ALG13: variants seen among roughly 807,000 people sequenced by gnomAD.
The protein encoded by ALG13 is ALG13 UDP-N-acetylglucosaminyltransferase subunit, also known as UDP-N-acetylglucosamine transferase subunit ALG13.
ALG13 carries 11 observed loss-of-function variants against 87.8 expected under a neutral mutation model. The ratio of observed to expected loss-of-function variants is 0.13; its 90% CI spans 0.08 to 0.21. The LOEUF (loss-of-function observed/expected upper bound fraction) is 0.21. Among genes scored for constraint, ALG13 ranks in the 10% least tolerant of loss-of-function variants. ALG13 has a pLI of 1.00. For missense variants in ALG13, 756 were observed against 866.1 expected (o/e 0.87, Z 1.60); for synonymous variants, 320 against 306.3 (o/e 1.04, Z -0.47).
rs748792396 is a variant in ALG13, at chrX:111,744,730, C to T, written c.2758C>T (p.Pro920Ser). Reference sequence around the variant, plus strand: ...TCCTCATGCTGGTGCCTCTCTACCACCACCACCACCACCACCACCACCACC... The same window carrying T: ...TCCTCATGCTGGTGCCTCTCTACCATCACCACCACCACCACCACCACCACC... Reference protein sequence around the residue: ...AIPHAGASLPPPPPPPPPPPP... With the variant: ...AIPHAGASLPSPPPPPPPPPP... The change falls in exon 24 of 27, where the codon CCA becomes TCA. Residue 920 changes from proline to serine, a missense_variant. By Grantham distance (74) the Pro-to-Ser change is moderately conservative. Around this residue, in one of 9 missense-constraint regions of ALG13, gnomAD observed 362 missense variants for 383.5 expected, o/e 0.94. Transcript: ENST00000394780. 2 of 997,120 alleles carry T rather than the reference C, an allele frequency of 2.0e-6. No individual in the cohort carries two copies. Among genetic ancestry groups the T allele is most frequent in the Non-Finnish European group, 2.6e-6 (2 of 761,842 alleles). The allele number at this position is 997,120 out of a possible 1,213,427, so 82.2% of individuals were successfully genotyped here. A position where few individuals can be genotyped will look rare whatever the true frequency, so the allele number is the denominator to read the frequency against.
intron 2 of ALG13, among the ~76,000 whole-genome samples, chrX:111,684,438 C>T (rs1438100965): frequency 9.0e-6 from 1 of 111,066 alleles, no homozygotes; most frequent in Non-Finnish European, 1.9e-5. Flanking sequence ...CCTTCCGCCT[C>T]AGGCTCCCCA....
chrX:111,727,856 A>G, intron 18 of ALG13, 86 bp downstream of exon 18: 1 of 956,302 alleles, frequency 1.0e-6, no homozygotes, highest in South Asian at 2.7e-5. Context: ...TAAATTTTAG[A>G]TTTTGTACAA....
At chrX:111,727,518 G>A in intron 17 of ALG13, 73 bp downstream of exon 17, 1 of 1,096,205 alleles carries the variant, frequency 9.1e-7, no homozygotes, top group Non-Finnish European at 1.2e-6. Context: ...GTTTTAAAAA[G>A]TGTCAACTTT....
chrX:111,743,846 G>A (rs1312549102), intron 23 of ALG13: 1 of 110,304 alleles, frequency 9.1e-6, no homozygotes, highest in African/African-American at 3.3e-5. Flanking sequence ...TTTTGTACTT[G>A]GATTTAAGCT....
intron 3 of ALG13, among the ~76,000 whole-genome samples, chrX:111,701,255 C>T (rs1937817649): frequency 8.9e-6 from 1 of 111,776 alleles, no homozygotes; most frequent in African/African-American, 3.3e-5. Context: ...CCTTCTTTTT[C>T]AGTTTTTTGA....
chrX:111,725,954 G>GT (rs913702853), intron 15 of ALG13, among the ~76,000 whole-genome samples: 25 of 112,077 alleles, frequency 2.2e-4, no homozygotes, highest in African/African-American at 8.1e-4. Context: ...TTGTTTGTTT[G>GT]TTTGTTTGAG....
At chrX:111,713,162 T>C in intron 7 of ALG13, 63 bp from the exon 8 acceptor site, 1 of 710,093 alleles carries the variant, frequency 1.4e-6, no homozygotes. Context: ...TAGTTGTTCC[T>C]ATAACTATCT....
rs1245567722 is a variant in ALG13, at chrX:111,681,228, G to A, written c.10G>A (p.Val4Met). 5.0e-6 allele frequency: 6 copies of A among 1,210,761 alleles called. No individual in the cohort carries two copies. Among genetic ancestry groups the A allele is most frequent in the African/African-American group, 1.7e-5 (1 of 57,540 alleles). The change falls in exon 1 of 27, where the codon GTG (valine) becomes ATG (methionine). Residue 4 changes from valine (V) to methionine (M), a missense_variant. By Grantham distance (21) the Val-to-Met change is conservative. Around this residue, in one of 9 missense-constraint regions of ALG13, gnomAD observed 153 missense variants for 168.7 expected, o/e 0.91. Transcript: ENST00000394780. The part of the protein sequence containing the change: MKC[V>M]FVTVGTTSFD... The stretch of plus-strand genomic sequence containing the variant: ...TTGAGGAACCCGCGCCATGAAGTGC[G>A]TGTTTGTTACCGTAGGGACCACCAG...
intron 25 of ALG13, 156 bp downstream of exon 25, chrX:111,752,986 G>GTCTGC: frequency 2.4e-6 from 1 of 412,119 alleles, no homozygotes; most frequent in Non-Finnish European, 4.2e-6. Flanking sequence ...TAGTTCAGTT[G>GTCTGC]TCTGCTTTAG....
chrX:111,711,338 A>G (rs984627787), intron 5 of ALG13, among the ~76,000 whole-genome samples: 5 of 112,215 alleles, frequency 4.5e-5, no homozygotes, highest in Non-Finnish European at 9.4e-5. Flanking sequence ...TGTTTTGTCA[A>G]ATTTGAAATC....
chrX:111,716,485 C>T (rs973528435), intron 8 of ALG13, among the ~76,000 whole-genome samples: 12 of 112,210 alleles, frequency 1.1e-4, no homozygotes, highest in Non-Finnish European at 2.1e-4. Flanking sequence ...CTTAGAGTTC[C>T]CAGTTCTTGT....
intron 24 of ALG13, 37 bp downstream of exon 24, chrX:111,744,941 A>AT: frequency 9.1e-7 from 1 of 1,094,804 alleles, no homozygotes; most frequent in Non-Finnish European, 1.3e-6. Context: ...GGGATCTGAG[A>AT]CTTAAAAAAT....
At chrX:111,687,301 T>G (rs1935227943) in intron 3 of ALG13, among the ~76,000 whole-genome samples, 1 of 112,647 alleles carries the variant, frequency 8.9e-6, no homozygotes, top group Non-Finnish European at 1.9e-5. Flanking sequence ...AGACCTAGGC[T>G]GGGGGGTAGT....
In ALG13 at chrX:111,728,392, C is replaced by T. The variant is rs1354819835; in HGVS notation, c.2368+87C>T. 1.8e-5 allele frequency: 19 copies of T among 1,038,823 alleles called. No homozygotes were observed. The South Asian group carries it at 2.5e-4, about 14-fold the overall frequency. 85.6% of individuals were successfully genotyped at this position (1,038,823 alleles called of 1,213,427 possible). A position where few individuals can be genotyped will look rare whatever the true frequency, so the allele number is the denominator to read the frequency against. On this transcript the variant is annotated intron_variant, in intron 19 of 26. Coordinates refer to ENST00000394780, the MANE Select transcript of ALG13 (RefSeq NM_001099922.3). ...GTGAAGTAGACCAATTTGGTTTTGG[C>T]GTCTCTCTCTGTTCCAGTAGCTTAG... is the stretch of plus-strand genomic sequence containing the variant.
rs1238093163 is a variant in ALG13, at chrX:111,760,233, CT to C, written c.*236del. 5.5e-6 allele frequency: 2 copies of C among 364,679 alleles called. No individual in the cohort carries two copies. The highest frequency in any genetic ancestry group is 9.3e-6 in the Non-Finnish European group (2 of 215,891). 30.1% of individuals were successfully genotyped at this position (364,679 alleles called of 1,213,427 possible). A position where few individuals can be genotyped will look rare whatever the true frequency, so the allele number is the denominator to read the frequency against. ...TACAACTAGCCCCATATTGAGCATA[CT>C]TCATTGTATTCAGCTGTTTTCCTGT... is the stretch of plus-strand genomic sequence containing the variant. On this transcript the variant is annotated 3_prime_UTR_variant, in exon 27 of 27. Transcript: ENST00000394780.
intron 3 of ALG13, among the ~76,000 whole-genome samples, chrX:111,687,610 C>T (rs763179271): frequency 3.2e-4 from 36 of 112,099 alleles, no homozygotes; most frequent in African/African-American, 1.1e-3. Context: ...ATTACAAAGC[C>T]ATGTGAAGAC....
At position 111,730,538 on chromosome X, in the gene ALG13, A is replaced by G. The variant is rs747469447; in HGVS notation, c.2415A>G (p.Glu805=). The change falls in exon 21 of 27, where the codon GAA becomes GAG. Residue 805 remains glutamate (E), a synonymous_variant. Transcript: ENST00000394780. ...EYLYRAEPDY[E]TSGVYSTTAS... is the part of the protein sequence containing the mutation. ...TATATTCTCTAGAGCCAGACTATGA[A>G]ACTTCAGGTGTTTATAGCACAACTG... The G allele has an allele frequency of 2.7e-5, 32 of 1,192,283 alleles. No homozygotes were observed. The highest frequency in any genetic ancestry group is 3.4e-5 in the Non-Finnish European group (30 of 885,433).
At chrX:111,712,229 TTG>T (rs1256695380) in intron 6 of ALG13, among the ~76,000 whole-genome samples, 2 of 112,163 alleles carry the variant, frequency 1.8e-5, no homozygotes, top group Non-Finnish European at 3.8e-5. Context: ...TCCATTTTTA[TTG>T]TGTTTTTAAA....
chrX:111,746,636 T>G (rs1465003961), intron 24 of ALG13, among the ~76,000 whole-genome samples: 1 of 112,306 alleles, frequency 8.9e-6, no homozygotes, highest in Non-Finnish European at 1.9e-5. Context: ...CAAAAAAAGC[T>G]GCTATGAACA....
Sources: gnomAD v4.1 joint callset for allele counts (sites outside exome capture counted in the v4.1 genomes callset) on GRCh38, gnomAD v4.1.1 for gene constraint, gnomAD v4.1.1 regional missense constraint, MANE v1.5 for transcripts, NCBI Gene and HGNC (gene_info 2026-07-23, HGNC 2026-07-21) for gene names.